Variants in PNOC observed in about 807,000 individuals in gnomAD.
PNOC encodes the protein nociceptin.
PNOC carries 10 observed loss-of-function variants against 15.6 expected under a neutral mutation model. That is an observed-to-expected ratio of 0.64 (90% CI 0.40 to 1.09). The LOEUF is 1.09. Among genes scored for constraint, PNOC ranks in the 50% least tolerant of loss-of-function variants. The pLI, the probability that PNOC is intolerant of heterozygous loss-of-function variation, is 0.01. For synonymous variants in PNOC, 98 were observed against 88.5 expected (o/e 1.11, Z -0.60); for missense variants, 220 against 223.9 (o/e 0.98, Z 0.11).
At chr8:28,339,706 A>G (rs959036007) in intron 3 of PNOC, 13 of 381,256 alleles carry the variant, frequency 3.4e-5, no homozygotes, top group Admixed American at 1.2e-4. Flanking sequence ...GAGACTGGTT[A>G]CCATGGGGAT....
At chr8:28,320,081 T>C (rs1480438742) in intron 1 of PNOC, among the ~76,000 whole-genome samples, 1 of 126,316 alleles carries the variant, frequency 7.9e-6, no homozygotes, top group Non-Finnish European at 1.5e-5. Flanking sequence ...TGTTTCTTTC[T>C]TTCTTTCTTT....
Position 28,339,099 on chromosome 8 carries a change from C to T in PNOC, c.186C>T (p.Thr62=). The change falls in exon 3 of 4, where the codon ACC becomes ACT. Residue 62 remains threonine (T), a synonymous_variant. Coordinates refer to ENST00000301908, the MANE Select transcript of PNOC (RefSeq NM_006228.5). ...CCAGCCCCCTCTGGACTCCATGCAC[C>T]AAGGTCATGGCCAGGAGCTCTTGGC... ...VFPSPLWTPC[T]KVMARSSWQL... The T allele has an allele frequency of 6.2e-7, 1 of 1,606,178 alleles. No homozygotes were observed. The highest frequency in any genetic ancestry group is 2.2e-5 in the East Asian group (1 of 44,586).
At chr8:28,330,544 C>T (rs1322363548) in intron 2 of PNOC, among the ~76,000 whole-genome samples, 2 of 147,488 alleles carry the variant, frequency 1.4e-5, no homozygotes, top group Non-Finnish European at 3.0e-5. Context: ...AAGGTGCCCA[C>T]CACCACACCC....
chr8:28,321,206 A>ATTTTTTTTTTTT (rs34876674), intron 1 of PNOC, among the ~76,000 whole-genome samples: 1 of 122,792 alleles, frequency 8.1e-6, no homozygotes, highest in Non-Finnish European at 1.6e-5. Context: ...ACCTAGCTAA[A>ATTTTTTTTTTTT]TTTTTTTTTT....
chr8:28,339,000 C>A (rs765463461), intron 2 of PNOC, 40 bp from the exon 3 acceptor site: 1 of 1,514,874 alleles, frequency 6.6e-7, no homozygotes, highest in African/African-American at 1.4e-5. Context: ...TAACAGAGGT[C>A]CTTGTTCCTT....
At chr8:28,325,812 C>T (rs966093324) in intron 1 of PNOC, among the ~76,000 whole-genome samples, 2 of 152,140 alleles carry the variant, frequency 1.3e-5, no homozygotes, top group African/African-American at 4.8e-5. Context: ...GGAGCTCCCC[C>T]TGACAGCAAC....
chr8:28,317,723 C>A (rs1404381486), intron 1 of PNOC, among the ~76,000 whole-genome samples: 1 of 152,086 alleles, frequency 6.6e-6, no homozygotes, highest in Non-Finnish European at 1.5e-5. Flanking sequence ...GACCCTGGCC[C>A]CCTCATGAGG....
intron 2 of PNOC, among the ~76,000 whole-genome samples, chr8:28,335,920 A>G (rs914200964): frequency 1.4e-5 from 2 of 146,064 alleles, no homozygotes; most frequent in African/African-American, 5.0e-5. Flanking sequence ...TCTCCAAAGG[A>G]AAAAAAAAAA....
intron 1 of PNOC, among the ~76,000 whole-genome samples, chr8:28,324,671 T>A (rs1585827767): frequency 6.6e-6 from 1 of 151,986 alleles, no homozygotes; most frequent in African/African-American, 2.4e-5. Flanking sequence ...CGAGACCAGC[T>A]TGGCCAACAT....
At chr8:28,336,514 G>A (rs1011740924) in intron 2 of PNOC, among the ~76,000 whole-genome samples, 6 of 152,096 alleles carry the variant, frequency 3.9e-5, no homozygotes, top group African/African-American at 1.2e-4. Context: ...GGAGCTTTGC[G>A]GTGTTTAAGG....
chr8:28,342,073 G>A (rs548939376), intron 3 of PNOC, among the ~76,000 whole-genome samples: 63 of 152,262 alleles, frequency 4.1e-4, no homozygotes, highest in African/African-American at 1.3e-3. Context: ...GGCCGGGCGC[G>A]GTAGCTCATG....
At chr8:28,331,463 G>C (rs1801328461) in intron 2 of PNOC, among the ~76,000 whole-genome samples, 1 of 152,052 alleles carries the variant, frequency 6.6e-6, no homozygotes, top group Admixed American at 6.6e-5. Context: ...GGATCGCCAA[G>C]ATTCTCTGCT....
chr8:28,322,176 G>A (rs567752285), intron 1 of PNOC, among the ~76,000 whole-genome samples: 1 of 151,878 alleles, frequency 6.6e-6, no homozygotes, highest in Non-Finnish European at 1.5e-5. Context: ...ATCATTCGAG[G>A]TCAGGAGTTT....
At chr8:28,328,042 G>A (rs1369414926) in intron 1 of PNOC, among the ~76,000 whole-genome samples, 3 of 143,834 alleles carry the variant, frequency 2.1e-5, no homozygotes, top group Middle Eastern at 3.8e-3. Flanking sequence ...TCTCCCAAAG[G>A]TTCCATCTCT....
intron 2 of PNOC, among the ~76,000 whole-genome samples, chr8:28,336,032 A>G (rs1159730458): frequency 6.6e-6 from 1 of 152,176 alleles, no homozygotes; most frequent in Non-Finnish European, 1.5e-5. Context: ...AACAGTGCGC[A>G]TGCTAAGCAC....
intron 1 of PNOC, among the ~76,000 whole-genome samples, chr8:28,328,153 C>T (rs1187160830): frequency 6.7e-6 from 1 of 149,836 alleles, no homozygotes; most frequent in Non-Finnish European, 1.5e-5. Flanking sequence ...CTGCAACCTC[C>T]ACCTCCCAGG....
In PNOC at chr8:28,320,007, C is replaced by T. The variant is rs578085026; in HGVS notation, c.-24+2691C>T. On this transcript the variant is annotated intron_variant, in intron 1 of 3. Transcript: ENST00000301908. ...GGGCAAGCCAGTTTTCTGGGCATCT[C>T]CCTGGATAGGCTACAATTAGTTTCA... Among the ~76,000 whole-genome samples the T allele has an allele frequency of 4.6e-5, 7 of 151,896 alleles. No homozygotes were observed. In the South Asian group the frequency reaches 1.5e-3, roughly 32 times the overall value.
At chr8:28,318,137 C>CAAG (rs1801089689) in intron 1 of PNOC, among the ~76,000 whole-genome samples, 1 of 152,082 alleles carries the variant, frequency 6.6e-6, no homozygotes, top group Non-Finnish European at 1.5e-5. Context: ...CTCTCTCAGC[C>CAAG]ACCTTCTTTC....
At position 28,322,792 on chromosome 8, in the gene PNOC, A is replaced by G; in HGVS notation, c.-24+5476A>G. On this transcript the variant is annotated intron_variant, in intron 1 of 3. Transcript: ENST00000301908. ...TTCCCAGAACACATGGTTTGAAGTC[A>G]ACACACCTGAGTTTAAGTCCTGGCT... is the stretch of plus-strand genomic sequence containing the variant. 1.3e-5 allele frequency among the ~76,000 whole-genome samples: 2 copies of G among 152,226 alleles called. 1 individual carries two copies. Among genetic ancestry groups the G allele is most frequent in the Non-Finnish European group, 2.9e-5 (2 of 68,036 alleles).
Sources: allele counts gnomAD v4.1 joint callset (sites outside exome capture counted in the v4.1 genomes callset), GRCh38; gene constraint gnomAD v4.1.1; transcripts MANE v1.5; gene names NCBI Gene and HGNC (gene_info 2026-07-23, HGNC 2026-07-21).